PLK4: variants seen among roughly 807,000 people sequenced by gnomAD.
PLK4 encodes the protein polo like kinase 4, also known as serine/threonine-protein kinase PLK4.
Under a neutral mutation model 103.0 loss-of-function variants are expected in PLK4, and 51 were observed. The observed-to-expected ratio is 0.50, with a 90% confidence interval of 0.40 to 0.63. The LOEUF is 0.63. Ranked by LOEUF, PLK4 falls within the 20% of genes least tolerant of loss-of-function variation. PLK4 has a pLI of 0.00. For synonymous variants in PLK4, 389 were observed against 376.8 expected (o/e 1.03, Z -0.38); for missense variants, 1,054 against 1,151.0 (o/e 0.92, Z 1.22).
In PLK4 at chr4:127,885,927, G is replaced by A. The variant is rs1735105829; in HGVS notation, c.557G>A (p.Ser186Asn). 1.2e-6 allele frequency: 2 copies of A among 1,614,150 alleles called. No individual in the cohort carries two copies. Reference protein sequence around the residue: ...NYISPEIATRSAHGLESDVWS... With the variant: ...NYISPEIATRNAHGLESDVWS... ...ATTTCACCAGAAATTGCCACTCGAA[G>A]TGCACATGGCCTTGAATCTGATGTT... The change falls in exon 5 of 16, where the codon AGT (serine) becomes AAT (asparagine). Residue 186 changes from serine to asparagine, a missense_variant. Coordinates refer to ENST00000270861, the MANE Select transcript of PLK4 (RefSeq NM_014264.5).
chr4:127,887,354 A>T lies in PLK4; in HGVS notation c.1359-42A>T, dbSNP rs1560694771. 3.6e-6 allele frequency: 4 copies of T among 1,107,680 alleles called. No homozygotes were observed. In the Admixed American group the frequency reaches 6.4e-5, roughly 18 times the overall value. The allele number at this position is 1,107,680 out of a possible 1,614,324, so 68.6% of individuals were successfully genotyped here. On this transcript the variant is annotated intron_variant, in intron 5 of 15. Coordinates refer to ENST00000270861, the MANE Select transcript of PLK4 (RefSeq NM_014264.5). Reference sequence around the variant, plus strand: ...TTTTACCTTAAAAAGTTACCTGATAATTTTTTATTAGTTTATGGGATTTTT... The same window carrying T: ...TTTTACCTTAAAAAGTTACCTGATATTTTTTTATTAGTTTATGGGATTTTT...
intron 12 of PLK4, 62 bp from the exon 13 acceptor site, chr4:127,893,672 A>G: frequency 6.3e-7 from 1 of 1,586,538 alleles, no homozygotes; most frequent in Non-Finnish European, 8.6e-7. Flanking sequence ...TATTATAAAC[A>G]TTCTTTAGTT....
intron 6 of PLK4, among the ~76,000 whole-genome samples, chr4:127,888,734 A>T (rs1735239296): frequency 6.6e-6 from 1 of 152,204 alleles, no homozygotes; most frequent in African/African-American, 2.4e-5. Context: ...GGAAATAATG[A>T]TGGAAAAAAG....
intron 7 of PLK4, 132 bp from the exon 8 acceptor site, chr4:127,890,960 A>G (rs1735332846): frequency 1.9e-6 from 1 of 536,446 alleles, no homozygotes; most frequent in Non-Finnish European, 3.3e-6. Flanking sequence ...GGACTGTTGT[A>G]GTGAAGCAGC....
intron 5 of PLK4, 143 bp downstream of exon 5, chr4:127,886,871 A>G (rs1735157928): frequency 1.7e-6 from 1 of 578,894 alleles, no homozygotes; most frequent in Admixed American, 3.4e-5. Context: ...CCTGTGGTTA[A>G]CAGTCTTAAC....
At chr4:127,888,397 G>A (rs1305363340) in intron 6 of PLK4, among the ~76,000 whole-genome samples, 1 of 152,042 alleles carries the variant, frequency 6.6e-6, no homozygotes, top group Non-Finnish European at 1.5e-5. Context: ...CCCAAGCTAT[G>A]TGACCATTCA....
intron 4 of PLK4, 136 bp downstream of exon 4, chr4:127,883,689 A>G: frequency 2.1e-6 from 1 of 482,948 alleles, no homozygotes; most frequent in South Asian, 4.4e-5. Context: ...CTAGAAAAGG[A>G]GATTTCCTAC....
In PLK4 at chr4:127,894,981, C is replaced by A. The variant is rs771379731; in HGVS notation, c.2591C>A (p.Thr864Lys). The A allele has an allele frequency of 3.0e-5, 48 of 1,604,788 alleles. No individual in the cohort carries two copies. The Middle Eastern group carries it at 8.3e-4, about 28-fold the overall frequency. Residue 864 changes from threonine to lysine, a missense_variant, in exon 14 of 16, where the codon ACA becomes AAA. By Grantham distance (78) the Thr-to-Lys change is moderately conservative. Around this residue, in one of 4 missense-constraint regions of PLK4, gnomAD observed 167 missense variants for 200.7 expected, o/e 0.83. Coordinates refer to ENST00000270861, the MANE Select transcript of PLK4 (RefSeq NM_014264.5). ...SMVTNEGLGL[T>K]TTASGTDISS... ...GTTACAAATGAAGGACTTGGTCTTA[C>A]AACTACAGCTTCTGGAACAGACATC...
rs751170471 is a variant in PLK4, at chr4:127,886,682, T to C, written c.1312T>C (p.Ser438Pro). 6.8e-6 allele frequency: 11 copies of C among 1,611,686 alleles called. No homozygotes were observed. Among genetic ancestry groups the C allele is most frequent in the Middle Eastern group, 3.3e-4 (2 of 6,048 alleles). The part of the protein sequence containing the change: ...NIFNFFKEKT[S>P]SSSGSFERPD... ...TTTTAACTTCTTTAAAGAAAAGACA[T>C]CCAGTAGTTCTGGATCTTTTGAAAG... Residue 438 changes from serine (S) to proline (P), a missense_variant, in exon 5 of 16, where the codon TCC (serine) becomes CCC (proline). Physicochemically the swap from Ser to Pro is moderately conservative, Grantham distance 74. Coordinates refer to ENST00000270861, the MANE Select transcript of PLK4 (RefSeq NM_014264.5).
chr4:127,899,114 A>G lies in PLK4; in HGVS notation c.*573A>G, dbSNP rs1238411101. 1 of 152,264 alleles carries G rather than the reference A, an allele frequency of 6.6e-6. No individual in the cohort carries two copies. The highest frequency in any genetic ancestry group is 1.5e-5 in the Non-Finnish European group (1 of 68,054). 9.4% of individuals were successfully genotyped at this position (152,264 alleles called of 1,614,324 possible). On this transcript the variant is annotated 3_prime_UTR_variant, in exon 16 of 16. Transcript: ENST00000270861. ...TTTAATTAAATACTTATTTTTAAAT[A>G]ACTTACCAGTAAACTCACTTTTTAA...
At chr4:127,887,700 AC>A (rs1390105181) in intron 6 of PLK4, among the ~76,000 whole-genome samples, 3 of 151,700 alleles carry the variant, frequency 2.0e-5, no homozygotes, top group African/African-American at 4.8e-5. Flanking sequence ...ACATAGCAAG[AC>A]CCTGTATCTA....
chr4:127,881,327 A>G (rs1266804968), intron 1 of PLK4, 163 bp downstream of exon 1: 1 of 1,476,660 alleles, frequency 6.8e-7, no homozygotes, highest in South Asian at 1.4e-5. Flanking sequence ...TTAGGGGCGG[A>G]GCGGCCCGCC....
intron 10 of PLK4, 51 bp downstream of exon 10, chr4:127,892,565 A>G: frequency 7.0e-7 from 1 of 1,430,082 alleles, no homozygotes; most frequent in Non-Finnish European, 9.7e-7. Context: ...GTAATTTAGT[A>G]GTTACGTATA....
chr4:127,882,048 A>C (rs1027329461), intron 2 of PLK4, 122 bp downstream of exon 2: 1 of 618,926 alleles, frequency 1.6e-6, no homozygotes, highest in Non-Finnish European at 2.9e-6. Context: ...AACACTTTAC[A>C]TAGGCAGAAG....
chr4:127,881,442 G>C, intron 1 of PLK4: 1 of 1,343,206 alleles, frequency 7.4e-7, no homozygotes, highest in South Asian at 1.6e-5. Context: ...CCGAGCTACC[G>C]CGTTAGAGCA....
At chr4:127,890,341 G>A (rs1735308013) in intron 7 of PLK4, 105 bp downstream of exon 7, 10 of 799,416 alleles carry the variant, frequency 1.3e-5, no homozygotes, top group Middle Eastern at 6.9e-4. Context: ...ACTTTGGGGT[G>A]TATACATGAT....
In PLK4 at chr4:127,898,803, A is replaced by G; in HGVS notation, c.*262A>G. On this transcript the variant is annotated 3_prime_UTR_variant, in exon 16 of 16. Coordinates refer to ENST00000270861, the MANE Select transcript of PLK4 (RefSeq NM_014264.5). ...GAACTTACTATGTTCATATATTTGT[A>G]TTGAACAATCTTTTAAAAGCAAAAA... is the stretch of plus-strand genomic sequence containing the variant. 3.7e-6 allele frequency: 1 copy of G among 269,888 alleles called. No homozygotes were observed. The highest frequency in any genetic ancestry group is 6.9e-6 in the Non-Finnish European group (1 of 145,426). 16.7% of individuals were successfully genotyped at this position (269,888 alleles called of 1,614,324 possible).
intron 6 of PLK4, among the ~76,000 whole-genome samples, chr4:127,888,698 A>G (rs908088038): frequency 6.6e-6 from 1 of 152,222 alleles, no homozygotes; most frequent in Non-Finnish European, 1.5e-5. Flanking sequence ...ATTAATGAAC[A>G]TGACAGATTC....
chr4:127,896,931 A>G (rs757433765), intron 15 of PLK4, 24 bp downstream of exon 15: 1 of 1,198,718 alleles, frequency 8.3e-7, no homozygotes, highest in Non-Finnish European at 1.2e-6. Flanking sequence ...ATACTGGTCG[A>G]GATTCAGCCC....
Sources: gnomAD v4.1 joint callset for allele counts (sites outside exome capture counted in the v4.1 genomes callset) on GRCh38, gnomAD v4.1.1 for gene constraint, gnomAD v4.1.1 regional missense constraint, MANE v1.5 for transcripts, NCBI Gene and HGNC (gene_info 2026-07-23, HGNC 2026-07-21) for gene names.